Variants in IGFN1 observed in about 807,000 individuals in gnomAD.
IGFN1 encodes the protein immunoglobulin-like and fibronectin type III domain-containing protein 1.
Under a neutral mutation model 289.5 loss-of-function variants are expected in IGFN1, and 253 were observed. That is an observed-to-expected ratio of 0.87 (90% confidence interval 0.79 to 0.97). The LOEUF (loss-of-function observed/expected upper bound fraction) is 0.97. IGFN1 is among the 50% of genes least tolerant of loss of function. The probability of loss-of-function intolerance (pLI) is 0.00; values close to 1 mark genes in which losing one functional copy is unlikely to be tolerated. For synonymous variants in IGFN1, 1,706 were observed against 1,788.5 expected (o/e 0.95, Z 1.16); for missense variants, 4,470 against 4,686.1 (o/e 0.95, Z 1.35).
intron 5 of IGFN1, among the ~76,000 whole-genome samples, chr1:201,198,486 G>A (rs1667008528): frequency 6.6e-6 from 1 of 151,822 alleles, no homozygotes; most frequent in South Asian, 2.1e-4. Flanking sequence ...GTGCAGTGGT[G>A]TGATTATGGC....
rs200449160 is a variant in IGFN1 at position 201,208,347 on chromosome 1, G to A, written c.3454G>A (p.Gly1152Arg). ...EDGSGGPGAM[G>R]PGSLRAGSKV... Reference sequence around the variant, plus strand: ...TGGCTCTGGGGGTCCAGGAGCCATGGGACCAGGGTCTCTGAGGGCAGGAAG... The same window carrying A: ...TGGCTCTGGGGGTCCAGGAGCCATGAGACCAGGGTCTCTGAGGGCAGGAAG... Residue 1152 changes from glycine to arginine, a missense_variant, in exon 12 of 24, where the codon GGA becomes AGA. Coordinates refer to ENST00000335211, the MANE Select transcript of IGFN1 (RefSeq NM_001164586.2). The A allele has an allele frequency of 6.9e-4, 1,018 of 1,476,570 alleles. 1 individual carries two copies. The highest frequency in any genetic ancestry group is 8.2e-4 in the Non-Finnish European group (924 of 1,124,058). The allele number at this position is 1,476,570 out of a possible 1,614,324, so 91.5% of individuals were successfully genotyped here. A position where few individuals can be genotyped will look rare whatever the true frequency, so the allele number is the denominator to read the frequency against.
rs1667553162 is a variant in IGFN1, at chr1:201,208,634, G to A, written c.3741G>A (p.Gly1247=). ...TTGGGCCTAGGAGTACAGGGCCAGG[G>A]GGTGAGGCAGGCTTTAGAGATGGTT... ...RGLGPRSTGP[G]GEAGFRDGSG... The change falls in exon 12 of 24, where the codon GGG becomes GGA. Residue 1247 remains glycine (G), a synonymous_variant. Transcript: ENST00000335211. 4 of 1,531,928 alleles carry A rather than the reference G, an allele frequency of 2.6e-6. 1 individual carries two copies. The highest frequency in any genetic ancestry group is 2.4e-5 in the South Asian group (2 of 82,926). The allele number at this position is 1,531,928 out of a possible 1,614,324, so 94.9% of individuals were successfully genotyped here. A position where few individuals can be genotyped will look rare whatever the true frequency, so the allele number is the denominator to read the frequency against.
Position 201,213,101 on chromosome 1 carries a change from A to T in IGFN1, c.8208A>T (p.Gly2736=), listed in dbSNP as rs779026679. 2 of 1,551,628 alleles carry T rather than the reference A, an allele frequency of 1.3e-6. No individual in the cohort carries two copies. Among genetic ancestry groups the T allele is most frequent in the South Asian group, 2.4e-5 (2 of 84,064 alleles). The part of the protein sequence containing the change: ...TPKPGESGPQ[G]AWNGLDGPFG... ...AACCTGGGGAGTCCGGACCTCAGGG[A>T]GCCTGGAATGGCTTAGATGGTCCCT... Residue 2736 remains glycine, a synonymous_variant, in exon 12 of 24, where the codon GGA becomes GGT. Coordinates refer to ENST00000335211, the MANE Select transcript of IGFN1 (RefSeq NM_001164586.2).
intron 2 of IGFN1, 77 bp from the exon 3 acceptor site, chr1:201,194,077 G>A: frequency 6.0e-6 from 9 of 1,509,678 alleles, no homozygotes; most frequent in Non-Finnish European, 8.0e-6. Flanking sequence ...TGAGTGGGTG[G>A]ATGCCCATTC....
At position 201,223,094 on chromosome 1, in the gene IGFN1, G is replaced by A. The variant is rs115344375; in HGVS notation, c.10290+267G>A. On this transcript the variant is annotated intron_variant, in intron 20 of 23. Coordinates refer to ENST00000335211, the MANE Select transcript of IGFN1 (RefSeq NM_001164586.2). ...CCCTCTAGTGGTAGCTTCAGCTACT[G>A]CACCTCCAAACTAAGGCTCTTCGGT... 3.7e-3 allele frequency: 1,184 copies of A among 316,896 alleles called. 21 individuals are homozygous for A. Among genetic ancestry groups the A allele is most frequent in the African/African-American group, 0.022 (1,054 of 46,974 alleles). The allele number at this position is 316,896 out of a possible 1,614,324, so 19.6% of individuals were successfully genotyped here. A position where few individuals can be genotyped will look rare whatever the true frequency, so the allele number is the denominator to read the frequency against.
intron 21 of IGFN1, among the ~76,000 whole-genome samples, chr1:201,225,465 C>A (rs886270791): frequency 6.6e-6 from 1 of 152,104 alleles, no homozygotes; most frequent in Admixed American, 6.5e-5. Flanking sequence ...TGGTGGTGGC[C>A]GCCTGTAGTC....
intron 17 of IGFN1, among the ~76,000 whole-genome samples, chr1:201,217,677 T>C (rs1653416097): frequency 6.6e-6 from 1 of 152,090 alleles, no homozygotes; most frequent in Non-Finnish European, 1.5e-5. Flanking sequence ...TCCTACAGTA[T>C]ACAGGACAGA....
chr1:201,223,349 A>ATTTATTTATTTAT (rs1653864169), intron 20 of IGFN1, among the ~76,000 whole-genome samples: 4 of 142,992 alleles, frequency 2.8e-5, no homozygotes, highest in African/African-American at 1.0e-4. Flanking sequence ...TTGGACAAAT[A>ATTTATTTATTTAT]TTATTTATTT....
chr1:201,227,261 C>G, intron 23 of IGFN1, 53 bp downstream of exon 23: 1 of 1,436,892 alleles, frequency 7.0e-7, no homozygotes, highest in Non-Finnish European at 9.4e-7. Flanking sequence ...GGAGAGCAAC[C>G]ACCTGCCTGT....
Position 201,211,164 on chromosome 1 carries a change from G to A in IGFN1, c.6271G>A (p.Gly2091Ser), listed in dbSNP as rs761442542. ...GSGSKTGFRD[G>S]LGGSEEMESM... ...AGGGAGTAAGACAGGTTTCAGGGAT[G>A]GTTTAGGGGGTTCTGAAGAAATGGA... is the stretch of plus-strand genomic sequence containing the variant. The change falls in exon 12 of 24, where the codon GGT (glycine) becomes AGT (serine). Residue 2091 changes from glycine to serine, a missense_variant. By Grantham distance (56) the Gly-to-Ser change is moderately conservative (BLOSUM62 0). Around this residue, in one of 8 missense-constraint regions of IGFN1, gnomAD observed 2,218 missense variants for 2,114.1 expected, o/e 1.05. Coordinates refer to ENST00000335211, the MANE Select transcript of IGFN1 (RefSeq NM_001164586.2). 6.5e-7 allele frequency: 1 copy of A among 1,530,608 alleles called. No homozygotes were observed. The highest frequency in any genetic ancestry group is 1.2e-5 in the South Asian group (1 of 83,816). The allele number at this position is 1,530,608 out of a possible 1,614,324, so 94.8% of individuals were successfully genotyped here.
In IGFN1 at chr1:201,215,102, G is replaced by T; in HGVS notation, c.8943G>T (p.Arg2981Ser). ...ITHVQGTQAGRYTFVAGDQQS... is the reference protein window; with the variant it reads ...ITHVQGTQAGSYTFVAGDQQS... ...ATGTGCAGGGGACCCAAGCTGGGAG[G>T]TACACCTTTGTAGCTGGTGACCAGC... The change falls in exon 14 of 24, where the codon AGG becomes AGT. Residue 2981 changes from arginine (R) to serine (S), a missense_variant. Around this residue, in one of 8 missense-constraint regions of IGFN1, gnomAD observed 2,218 missense variants for 2,114.1 expected, o/e 1.05. Transcript: ENST00000335211. 1 of 1,614,002 alleles carries T rather than the reference G, an allele frequency of 6.2e-7. No homozygotes were observed. Among genetic ancestry groups the T allele is most frequent in the East Asian group, 2.2e-5 (1 of 44,878 alleles).
chr1:201,203,690 C>G (rs1352676038), intron 9 of IGFN1, 48 bp from the exon 10 acceptor site: 6 of 1,525,618 alleles, frequency 3.9e-6, no homozygotes, highest in East Asian at 2.5e-5. Context: ...GGGCAGGAAG[C>G]ACTGAGGACC....
chr1:201,193,757 T>C (rs1666764479), intron 2 of IGFN1, among the ~76,000 whole-genome samples: 1 of 152,198 alleles, frequency 6.6e-6, no homozygotes, highest in East Asian at 1.9e-4. Flanking sequence ...TGGCTTTTTT[T>C]TTGAGTCTTG....
rs199822854 is a variant in IGFN1, at chr1:201,226,000, C to T, written c.10663C>T (p.Arg3555Cys). 3.2e-5 allele frequency: 51 copies of T among 1,576,932 alleles called. 1 individual carries two copies. The highest frequency in any genetic ancestry group is 1.7e-4 in the Middle Eastern group (1 of 5,932). ...HEAADRIHTN[R>C]FTLLGILPGH... ...GGCAGCCGACCGCATCCACACCAAC[C>T]GCTTCACCCTCCTGGGCATCCTCCC... The change falls in exon 22 of 24, where the codon CGC (arginine) becomes TGC (cysteine). Residue 3555 changes from arginine (R) to cysteine (C), a missense_variant. Arg to Cys is a radical substitution (Grantham distance 180, BLOSUM62 -3). Transcript: ENST00000335211.
intron 20 of IGFN1, among the ~76,000 whole-genome samples, chr1:201,223,349 A>ATTATTTAT (rs34981617): frequency 0.077 from 10,942 of 142,964 alleles, 569 homozygotes; most frequent in African/African-American, 0.13. Context: ...TTGGACAAAT[A>ATTATTTAT]TTATTTATTT....
At position 201,212,628 on chromosome 1, in the gene IGFN1, G is replaced by A; in HGVS notation, c.7735G>A (p.Asp2579Asn). The A allele has an allele frequency of 1.3e-6, 2 of 1,543,064 alleles. No homozygotes were observed. The highest frequency in any genetic ancestry group is 1.2e-5 in the South Asian group (1 of 82,580). ...GGGGTTGGCATCTCAGGGAGGTGGG[G>A]ACTCACTTTTGGGAGGCAGAAGGGT... ...QGGLASQGGG[D>N]SLLGGRRVGS... is the part of the protein sequence containing the mutation. The change falls in exon 12 of 24, where the codon GAC (aspartate) becomes AAC (asparagine). Residue 2579 changes from aspartate to asparagine, a missense_variant. Coordinates refer to ENST00000335211, the MANE Select transcript of IGFN1 (RefSeq NM_001164586.2).
chr1:201,224,560 A>G, intron 20 of IGFN1, 119 bp from the exon 21 acceptor site: 3 of 760,970 alleles, frequency 3.9e-6, no homozygotes. Context: ...TTTCTGGTCG[A>G]CTTTCTCCTT....
At chr1:201,205,812 T>C (rs1667390167) in intron 11 of IGFN1, among the ~76,000 whole-genome samples, 1 of 152,270 alleles carries the variant, frequency 6.6e-6, no homozygotes, top group South Asian at 2.1e-4. Context: ...TTTTGGCTTA[T>C]GCGTTTTCTC....
At position 201,206,148 on chromosome 1, in the gene IGFN1, G is replaced by C; in HGVS notation, c.1255G>C (p.Ala419Pro). ...CAAACTGCAGAGGCAAGGAGCCCAG[G>C]CATCAGGAGCAGAAGAGTCTGGGAG... ...DHKLQRQGAQ[A>P]SGAEESGSIE... The change falls in exon 12 of 24, where the codon GCA becomes CCA. Residue 419 changes from alanine (A) to proline (P), a missense_variant. Coordinates refer to ENST00000335211, the MANE Select transcript of IGFN1 (RefSeq NM_001164586.2). The C allele has an allele frequency of 6.4e-7, 1 of 1,550,860 alleles. No individual in the cohort carries two copies. The highest frequency in any genetic ancestry group is 1.4e-5 in the African/African-American group (1 of 73,188).
Sources: allele counts gnomAD v4.1 joint callset (sites outside exome capture counted in the v4.1 genomes callset), GRCh38; gene constraint gnomAD v4.1.1; regional missense constraint gnomAD v4.1.1; transcripts MANE v1.5; gene names NCBI Gene and HGNC (gene_info 2026-07-23, HGNC 2026-07-21).